Variants in KLK10 observed in about 807,000 individuals in gnomAD.
The protein encoded by KLK10 is kallikrein-10.
In KLK10, 27 loss-of-function variants were observed where a neutral mutation model predicts 25.7. The observed-to-expected ratio is 1.05, with a 90% CI of 0.77 to 1.45. KLK10 has a LOEUF of 1.45. KLK10 is among the 40% of genes most tolerant of loss of function. The probability of loss-of-function intolerance (pLI) is 0.00; values close to 1 mark genes in which losing one functional copy is unlikely to be tolerated. For missense variants in KLK10, 386 were observed against 370.0 expected, an observed-to-expected ratio of 1.04 and a Z score of -0.35; for synonymous variants, 173 against 160.1, an observed-to-expected ratio of 1.08 and a Z score of -0.61.
chr19:51,016,732 C>G (rs1287953373), intron 3 of KLK10, among the ~76,000 whole-genome samples: 4 of 152,114 alleles, frequency 2.6e-5, no homozygotes, highest in African/African-American at 9.7e-5. Context: ...GCCACCGAGC[C>G]CAGCCCAACT....
chr19:51,015,336 C>G, intron 5 of KLK10, 81 bp downstream of exon 5: 1 of 1,490,542 alleles, frequency 6.7e-7, no homozygotes, highest in Non-Finnish European at 9.2e-7. Flanking sequence ...AGTTGGGGAT[C>G]GGGCACAGGG....
Position 51,019,162 on chromosome 19 carries a change from G to A in KLK10, c.-9-23C>T. 1.3e-6 allele frequency: 2 copies of A among 1,535,562 alleles called. No individual in the cohort carries two copies. The highest frequency in any genetic ancestry group is 1.8e-5 in the Admixed American group (1 of 57,114). ...GATCTGCTGGGGTGTGTGCAGGGGC[G>A]GGTTAAAACAGATGCTCCGTTAGAG... is the stretch of plus-strand genomic sequence containing the variant. On this transcript the variant is annotated intron_variant, in intron 1 of 5. Transcript: ENST00000358789. The surrounding 1 kb of genome is among the most constrained non-coding windows in gnomAD (Gnocchi z 4.2).
chr19:51,017,651 G>C (rs1341172960), intron 2 of KLK10, among the ~76,000 whole-genome samples: 1 of 151,590 alleles, frequency 6.6e-6, no homozygotes, highest in Non-Finnish European at 1.5e-5. Context: ...CTCGGGGATC[G>C]GGGAGAGGAA....
Position 51,015,543 on chromosome 19 carries a change from G to A in KLK10, c.552C>T (p.Tyr184=), listed in dbSNP as rs2091315027. The A allele has an allele frequency of 3.7e-6, 6 of 1,613,608 alleles. No individual in the cohort carries two copies. Among genetic ancestry groups the A allele is most frequent in the African/African-American group, 1.3e-5 (1 of 74,874 alleles). The change falls in exon 5 of 6, where the codon TAC becomes TAT. Residue 184 remains tyrosine (Y), a synonymous_variant. Coordinates refer to ENST00000358789, the MANE Select transcript of KLK10 (RefSeq NM_145888.3). ...TGCTGGAGCAGGTCAGGCCCTTGTT[G>A]TACTTCACTGAAGGGAGAATATGCC... ...WGTTAARRVK[Y]NKGLTCSSIT...
rs1390189399 is a variant in KLK10 at position 51,013,018 on chromosome 19, A to C, written c.*1782T>G. ...GCTCGATAAACATTGTGGAGTGACT[A>C]AAGGGACGGGTGAGTTGCCTTTAAT... On this transcript the variant is annotated 3_prime_UTR_variant, in exon 6 of 6. Coordinates refer to ENST00000358789, the MANE Select transcript of KLK10 (RefSeq NM_145888.3). 1 of 152,194 alleles carries C rather than the reference A, an allele frequency of 6.6e-6. No homozygotes were observed. Among genetic ancestry groups the C allele is most frequent in the Non-Finnish European group, 1.5e-5 (1 of 68,042 alleles). The allele number at this position is 152,194 out of a possible 1,614,324, so 9.4% of individuals were successfully genotyped here. A position where few individuals can be genotyped will look rare whatever the true frequency, so the allele number is the denominator to read the frequency against.
At position 51,015,895 on chromosome 19, in the gene KLK10, C is replaced by G. The variant is rs753600428; in HGVS notation, c.531G>C (p.Thr177=). 4 of 1,559,144 alleles carry G rather than the reference C, an allele frequency of 2.6e-6. No individual in the cohort carries two copies. The South Asian group carries it at 3.5e-5, about 14-fold the overall frequency. ...CCCAGCTCTTGCCTCTCCGGGCGGC[C>G]GTGGTGCCCCAGCCAGCAACCTGGC... ...DQCQVAGWGT[T]AARRVKYNKG... Residue 177 remains threonine (T), a synonymous_variant, in exon 4 of 6, where the codon ACG becomes ACC. Transcript: ENST00000358789.
chr19:51,016,306 T>A, intron 3 of KLK10, 150 bp from the exon 4 acceptor site: 70 of 835,614 alleles, frequency 8.4e-5, no homozygotes, highest in Non-Finnish European at 1.1e-4. Flanking sequence ...GGAGGAGGAA[T>A]CAGTTGTTTG....
Position 51,018,164 on chromosome 19 carries a change from C to CAAAAAAAAAAAAAAAAAA in KLK10, c.88+861_89-875dup, listed in dbSNP as rs35154267. The stretch of plus-strand genomic sequence containing the variant: ...ACGGAGACAGAGCACTGCCCTGTCT[C>CAAAAAAAAAAAAAAAAAA]AAAAAAAAAAAAAAAAAAAAAAGAA... On this transcript the variant is annotated intron_variant, in intron 2 of 5. Transcript: ENST00000358789. Among the ~76,000 whole-genome samples the CAAAAAAAAAAAAAAAAAA allele has an allele frequency of 1.7e-3, 63 of 36,440 alleles. 2 individuals are homozygous for CAAAAAAAAAAAAAAAAAA. Among genetic ancestry groups the CAAAAAAAAAAAAAAAAAA allele is most frequent in the Admixed American group, 1.7e-3 (4 of 2,366 alleles). 23.9% of individuals were successfully genotyped at this position (36,440 alleles called of 152,430 possible). A position where few individuals can be genotyped will look rare whatever the true frequency, so the allele number is the denominator to read the frequency against.
At position 51,019,212 on chromosome 19, in the gene KLK10, G is replaced by T. The variant is rs1004478217; in HGVS notation, c.-9-73C>A. ...GACCCCCACCTCGCCGCGCTCATCCGCCCAGCCTGGGCCACCCCAGCCCGC... is the reference window on the plus strand; with the variant it reads ...GACCCCCACCTCGCCGCGCTCATCCTCCCAGCCTGGGCCACCCCAGCCCGC... On this transcript the variant is annotated intron_variant, in intron 1 of 5. Transcript: ENST00000358789. The surrounding 1 kb of genome is among the most constrained non-coding windows in gnomAD (Gnocchi z 4.2). The T allele has an allele frequency of 1.8e-6, 2 of 1,094,894 alleles. No individual in the cohort carries two copies. Among genetic ancestry groups the T allele is most frequent in the Non-Finnish European group, 2.6e-6 (2 of 768,386 alleles). 67.8% of individuals were successfully genotyped at this position (1,094,894 alleles called of 1,614,324 possible).
chr19:51,015,646 G>T, intron 4 of KLK10, 96 bp from the exon 5 acceptor site: 1 of 1,394,662 alleles, frequency 7.2e-7, no homozygotes, highest in Non-Finnish European at 1.0e-6. Flanking sequence ...CTAAGCCCCA[G>T]CCCCTCCTCC....
chr19:51,017,309 C>G lies in KLK10; in HGVS notation c.89-19G>C. 6.3e-7 allele frequency: 1 copy of G among 1,586,654 alleles called. No individual in the cohort carries two copies. Among genetic ancestry groups the G allele is most frequent in the Non-Finnish European group, 8.6e-7 (1 of 1,168,722 alleles). Reference sequence around the variant, plus strand: ...TCTGCGGCTGGAGAAAGAAAGGGGACGGAATCAAAGCACGGAGGGCAGGGT... The same window carrying G: ...TCTGCGGCTGGAGAAAGAAAGGGGAGGGAATCAAAGCACGGAGGGCAGGGT... On this transcript the variant is annotated intron_variant, in intron 2 of 5. Coordinates refer to ENST00000358789, the MANE Select transcript of KLK10 (RefSeq NM_145888.3).
intron 2 of KLK10, among the ~76,000 whole-genome samples, chr19:51,018,026 G>A (rs1409943737): frequency 1.0e-3 from 59 of 58,994 alleles, no homozygotes; most frequent in African/African-American, 1.6e-3. Context: ...AAAAAAAAAA[G>A]CCGGATGTGG....
At position 51,019,408 on chromosome 19, in the gene KLK10, C is replaced by A. The variant is rs938439734; in HGVS notation, c.-10+219G>T. 3.3e-5 allele frequency among the ~76,000 whole-genome samples: 5 copies of A among 152,234 alleles called. No homozygotes were observed. The highest frequency in any genetic ancestry group is 7.3e-5 in the Non-Finnish European group (5 of 68,032). ...CGCGCCCCAGCTACCCTGGCTGCAG[C>A]CACGCCGCGCCCGAGGTTTCCCCCT... is the stretch of plus-strand genomic sequence containing the variant. On this transcript the variant is annotated intron_variant, in intron 1 of 5. Transcript: ENST00000358789. This position sits in a 1 kb window ranked among gnomAD's most constrained non-coding sequence, Gnocchi z 4.2.
chr19:51,018,643 G>A (rs1168550888), intron 2 of KLK10: 1 of 194,420 alleles, frequency 5.1e-6, no homozygotes, highest in Non-Finnish European at 1.1e-5. Context: ...GGCGGAGCTT[G>A]CAGTGAGCCG....
Position 51,015,901 on chromosome 19 carries a change from G to GC in KLK10, c.524dup (p.Thr176HisfsTer24). 1.9e-6 allele frequency: 3 copies of GC among 1,567,978 alleles called. No individual in the cohort carries two copies. In the East Asian group the frequency reaches 6.8e-5, roughly 36 times the overall value. On this transcript the variant is annotated frameshift_variant, in exon 4 of 6. Coordinates refer to ENST00000358789, the MANE Select transcript of KLK10 (RefSeq NM_145888.3). LOFTEE classifies it high-confidence loss of function. ...TCTTGCCTCTCCGGGCGGCCGTGGT[G>GC]CCCCAGCCAGCAACCTGGCACTGGT... is the stretch of plus-strand genomic sequence containing the variant.
Position 51,019,188 on chromosome 19 carries a change from AC to A in KLK10, c.-9-50del. ...GGTTAAAACAGATGCTCCGTTAGAG[AC>A]CCCCACCTCGCCGCGCTCATCCGCC... On this transcript the variant is annotated intron_variant, in intron 1 of 5. Transcript: ENST00000358789. This position sits in a 1 kb window ranked among gnomAD's most constrained non-coding sequence, Gnocchi z 4.2. 7.7e-7 allele frequency: 1 copy of A among 1,290,518 alleles called. No homozygotes were observed. 79.9% of individuals were successfully genotyped at this position (1,290,518 alleles called of 1,614,324 possible). A position where few individuals can be genotyped will look rare whatever the true frequency, so the allele number is the denominator to read the frequency against.
intron 3 of KLK10, among the ~76,000 whole-genome samples, chr19:51,016,416 A>G (rs2091329071): frequency 6.6e-6 from 1 of 151,942 alleles, no homozygotes; most frequent in Admixed American, 6.6e-5. Flanking sequence ...TTGTTGAAAC[A>G]GAGTTTCGCT....
Position 51,016,094 on chromosome 19 carries a change from C to T in KLK10, c.332G>A (p.Arg111Gln), listed in dbSNP as rs555273392. Residue 111 changes from arginine (R) to glutamine (Q), a missense_variant, in exon 4 of 6, where the codon CGG becomes CAG. Coordinates refer to ENST00000358789, the MANE Select transcript of KLK10 (RefSeq NM_145888.3). ...GGGATGGACAACAGAGCGAGTGGTC[C>T]GGCGGAGCTGCTCTCCCTGAAGAAG... ...LLLLQGEQLR[R>Q]TTRSVVHPKY... 91 of 1,578,620 alleles carry T rather than the reference C, an allele frequency of 5.8e-5. No homozygotes were observed. The highest frequency in any genetic ancestry group is 9.2e-5 in the Admixed American group (5 of 54,524).
chr19:51,016,291 C>T lies in KLK10; in HGVS notation c.270-135G>A, dbSNP rs542518501. ...TGTGGGAGAAGGGGACCTCAGTGGA[C>T]ATGGGGAGGAGGAATCAGTTGTTTG... On this transcript the variant is annotated intron_variant, in intron 3 of 5. Transcript: ENST00000358789. 290 of 990,814 alleles carry T rather than the reference C, an allele frequency of 2.9e-4. 4 individuals carry two copies. In the African/African-American group the frequency reaches 4.4e-3, roughly 15 times the overall value. The allele number at this position is 990,814 out of a possible 1,614,324, so 61.4% of individuals were successfully genotyped here. A position where few individuals can be genotyped will look rare whatever the true frequency, so the allele number is the denominator to read the frequency against.
Sources: gnomAD v4.1 joint callset for allele counts (sites outside exome capture counted in the v4.1 genomes callset) on GRCh38, gnomAD v4.1.1 for gene constraint, Gnocchi (gnomAD v3.1) non-coding constraint, MANE v1.5 for transcripts, NCBI Gene and HGNC (gene_info 2026-07-23, HGNC 2026-07-21) for gene names.